VRK2: variants seen among roughly 807,000 people sequenced by gnomAD.
VRK2 encodes the protein VRK serine/threonine kinase 2.
Under a neutral mutation model 57.6 loss-of-function variants are expected in VRK2, and 60 were observed. That is an observed-to-expected ratio of 1.04 (90% confidence interval 0.85 to 1.29). The LOEUF (loss-of-function observed/expected upper bound fraction) is 1.29, where lower values mean the gene tolerates loss of function less well. Ranked by LOEUF, VRK2 falls within the 50% of genes most tolerant of loss-of-function variation. The pLI is 0.00. For synonymous variants in VRK2, 231 were observed against 199.2 expected (o/e 1.16, Z -1.35); for missense variants, 705 against 588.1 (o/e 1.20, Z -2.06).
chr2:57,943,068 A>G (rs1178608655), intron 1 of VRK2, among the ~76,000 whole-genome samples: 3 of 152,194 alleles, frequency 2.0e-5, no homozygotes, highest in African/African-American at 7.2e-5. Context: ...AGGACACTTC[A>G]CAGCTTTTCA....
At chr2:57,935,768 G>A (rs1375169556) in intron 1 of VRK2, among the ~76,000 whole-genome samples, 1 of 152,222 alleles carries the variant, frequency 6.6e-6, no homozygotes, top group African/African-American at 2.4e-5. Flanking sequence ...GGAACAAGGT[G>A]CTCCCTCACT....
chr2:57,955,054 G>C (rs760706482), intron 1 of VRK2, among the ~76,000 whole-genome samples: 1 of 152,168 alleles, frequency 6.6e-6, no homozygotes, highest in Non-Finnish European at 1.5e-5. Flanking sequence ...GGGTAACAGA[G>C]ACAGCCTATA....
chr2:57,999,052 TTATAAGG>T (rs1363001855), intron 1 of VRK2, among the ~76,000 whole-genome samples: 1 of 152,042 alleles, frequency 6.6e-6, no homozygotes, highest in Non-Finnish European at 1.5e-5. Context: ...AGTTGTTACA[TTATAAGG>T]TATAAGGGGG....
chr2:57,923,543 C>T (rs576097830), intron 1 of VRK2, among the ~76,000 whole-genome samples: 2 of 150,666 alleles, frequency 1.3e-5, no homozygotes, highest in East Asian at 3.9e-4. Flanking sequence ...TGAGAAATGT[C>T]TATTCAGATC....
At chr2:57,938,150 T>C (rs746794108) in intron 1 of VRK2, among the ~76,000 whole-genome samples, 1 of 152,226 alleles carries the variant, frequency 6.6e-6, no homozygotes, top group Non-Finnish European at 1.5e-5. Context: ...TCTTTCATTC[T>C]TTAAAATATA....
At chr2:58,116,640 G>A (rs562238509) in intron 7 of VRK2, among the ~76,000 whole-genome samples, 2 of 152,172 alleles carry the variant, frequency 1.3e-5, no homozygotes, top group Non-Finnish European at 2.9e-5. Context: ...CTCAGCATCC[G>A]TGATGGTCTA....
chr2:57,991,527 G>A (rs1672765963), intron 1 of VRK2, among the ~76,000 whole-genome samples: 1 of 152,114 alleles, frequency 6.6e-6, no homozygotes, highest in South Asian at 2.1e-4. Flanking sequence ...TCACCCTGTA[G>A]CATTTACCGA....
At chr2:58,123,604 A>G (rs140698055) in intron 8 of VRK2, among the ~76,000 whole-genome samples, 235 of 152,186 alleles carry the variant, frequency 1.5e-3, no homozygotes, top group African/African-American at 3.0e-3. Flanking sequence ...GCTCACACCT[A>G]TAATCCCAGC....
chr2:57,939,343 C>A (rs1056414242), intron 1 of VRK2, among the ~76,000 whole-genome samples: 5 of 152,114 alleles, frequency 3.3e-5, no homozygotes, highest in African/African-American at 7.2e-5. Flanking sequence ...TGCTCAAAAT[C>A]AATTCTTGTT....
At chr2:58,001,378 A>G (rs918883888) in intron 1 of VRK2, among the ~76,000 whole-genome samples, 12 of 152,194 alleles carry the variant, frequency 7.9e-5, no homozygotes, top group African/African-American at 2.9e-4. Context: ...CATGCACCCT[A>G]AATCACCAAA....
chr2:58,008,755 G>A (rs528633352), intron 1 of VRK2, among the ~76,000 whole-genome samples: 1 of 152,040 alleles, frequency 6.6e-6, no homozygotes, highest in African/African-American at 2.4e-5. Flanking sequence ...GGTTATATCT[G>A]ATAAAGGAGG....
chr2:58,159,206 T>G (rs2104754123), intron 12 of VRK2, 143 bp from the exon 13 acceptor site: 3 of 605,924 alleles, frequency 5.0e-6, no homozygotes, highest in East Asian at 5.6e-5. Flanking sequence ...GATCTTTACC[T>G]AAAAATTACT....
intron 2 of VRK2, among the ~76,000 whole-genome samples, chr2:58,053,878 T>A (rs1327968503): frequency 6.6e-6 from 1 of 152,118 alleles, no homozygotes; most frequent in Non-Finnish European, 1.5e-5. Flanking sequence ...TGAATAAATG[T>A]GAAAATGAGA....
chr2:58,131,810 T>G lies in VRK2; in HGVS notation c.679T>G (p.Leu227Val), dbSNP rs186975464. The G allele has an allele frequency of 6.2e-7, 1 of 1,611,376 alleles. No individual in the cohort carries two copies. Among genetic ancestry groups the G allele is most frequent in the East Asian group, 2.2e-5 (1 of 44,878 alleles). Residue 227 changes from leucine (L) to valine (V), a missense_variant and splice_region_variant, in exon 9 of 13, where the codon TTG (leucine) becomes GTG (valine). Leu to Val is a conservative substitution (Grantham distance 32, BLOSUM62 1). Transcript: ENST00000340157. Reference protein sequence around the residue: ...TSLDAHKGVALSRRSDVEILG... With the variant: ...TSLDAHKGVAVSRRSDVEILG... Reference sequence around the variant, plus strand: ...CTCTCTAATGCTTACTCCTATAGCCTTGTCCAGACGAAGTGACGTTGAGAT... The same window carrying G: ...CTCTCTAATGCTTACTCCTATAGCCGTGTCCAGACGAAGTGACGTTGAGAT...
intron 1 of VRK2, among the ~76,000 whole-genome samples, chr2:57,937,281 A>C (rs551786918): frequency 2.6e-5 from 4 of 152,204 alleles, no homozygotes; most frequent in African/African-American, 9.6e-5. Flanking sequence ...TCTGGGGTTC[A>C]TAAGAAAAAT....
intron 7 of VRK2, among the ~76,000 whole-genome samples, chr2:58,104,906 C>T (rs994642050): frequency 6.6e-6 from 1 of 151,560 alleles, no homozygotes; most frequent in Non-Finnish European, 1.5e-5. Context: ...AATAAAGCTA[C>T]ATATCTACAC....
chr2:58,097,896 T>TA (rs140627730), intron 7 of VRK2, among the ~76,000 whole-genome samples: 4 of 151,254 alleles, frequency 2.6e-5, no homozygotes, highest in South Asian at 2.1e-4. Context: ...TCTACTTATA[T>TA]AAAAAAAAAG....
chr2:58,139,961 T>A (rs1445917428), intron 11 of VRK2, 129 bp downstream of exon 11: 37 of 975,848 alleles, frequency 3.8e-5, no homozygotes, highest in Non-Finnish European at 5.4e-5. Flanking sequence ...CCATTTTGCC[T>A]AACTCAGCAC....
chr2:58,023,124 A>G (rs1169087302), intron 1 of VRK2, among the ~76,000 whole-genome samples: 2 of 152,182 alleles, frequency 1.3e-5, no homozygotes, highest in East Asian at 3.9e-4. Context: ...GCCATTAAAG[A>G]ATAACTCCAC....
Sources: allele counts gnomAD v4.1 joint callset (sites outside exome capture counted in the v4.1 genomes callset), GRCh38; gene constraint gnomAD v4.1.1; transcripts MANE v1.5; gene names NCBI Gene and HGNC (gene_info 2026-07-23, HGNC 2026-07-21).